The following ZBTB20 variants were observed in gnomAD, a reference collection of about 807,000 sequenced individuals.
The protein encoded by ZBTB20 is zinc finger and BTB domain containing 20.
In ZBTB20, 9 loss-of-function variants were observed where a neutral mutation model predicts 56.9. The ratio of observed to expected loss-of-function variants is 0.16; its 90% confidence interval spans 0.10 to 0.28. ZBTB20 has a LOEUF of 0.28. Ranked by LOEUF, ZBTB20 falls within the 10% of genes least tolerant of loss-of-function variation. ZBTB20 has a pLI of 1.00. For missense variants in ZBTB20, 655 were observed against 1,003.0 expected, an observed-to-expected ratio of 0.65 and a Z score of 4.69; for synonymous variants, 417 against 420.7, an observed-to-expected ratio of 0.99 and a Z score of 0.11.
intron 10 of ZBTB20, among the ~76,000 whole-genome samples, chr3:114,374,995 A>C (rs1324109626): frequency 6.6e-6 from 1 of 152,220 alleles, no homozygotes; most frequent in African/African-American, 2.4e-5. Context: ...GTTTTCACTC[A>C]TACAGACATA....
chr3:114,669,648 A>C (rs1039156944), intron 6 of ZBTB20, among the ~76,000 whole-genome samples: 42 of 151,936 alleles, frequency 2.8e-4, no homozygotes, highest in African/African-American at 9.9e-4. Context: ...AACTAGCCCA[A>C]ATGAGTTATG....
rs114892760 is a variant in ZBTB20 at position 114,365,509 on chromosome 3, G to A, written c.200-13631C>T. Among the ~76,000 whole-genome samples the A allele has an allele frequency of 3.4e-3, 522 of 152,298 alleles. 3 individuals are homozygous for A. The highest frequency in any genetic ancestry group is 0.014 in the Middle Eastern group (4 of 294). On this transcript the variant is annotated intron_variant, in intron 10 of 11. Transcript: ENST00000675478. ...GAGGAGCTTGGGAACACAGTGTGTA[G>A]GGGGTGGATTTCTCAAGAACTATCT...
intron 7 of ZBTB20, among the ~76,000 whole-genome samples, chr3:114,456,112 C>A (rs72950685): frequency 6.6e-6 from 1 of 151,996 alleles, no homozygotes; most frequent in South Asian, 2.1e-4. Context: ...CACAAACCTC[C>A]AATTTCTCAA....
intron 10 of ZBTB20, among the ~76,000 whole-genome samples, chr3:114,377,928 CT>C (rs1436183038): frequency 1.3e-5 from 2 of 152,114 alleles, no homozygotes; most frequent in Non-Finnish European, 2.9e-5. Flanking sequence ...CTTGTGAAAG[CT>C]TGGAACAACA....
chr3:114,905,915 C>A (rs2075300380), intron 3 of ZBTB20, among the ~76,000 whole-genome samples: 1 of 151,770 alleles, frequency 6.6e-6, no homozygotes, highest in Non-Finnish European at 1.5e-5. Context: ...AGTTCCTAAC[C>A]AATTATGTGG....
chr3:114,404,355 T>C (rs2087099030), intron 7 of ZBTB20, among the ~76,000 whole-genome samples: 1 of 152,142 alleles, frequency 6.6e-6, no homozygotes, highest in African/African-American at 2.4e-5. Flanking sequence ...TTTTTCTCTT[T>C]CAACTTGTTT....
intron 5 of ZBTB20, among the ~76,000 whole-genome samples, chr3:114,798,580 G>A (rs1560263473): frequency 2.0e-5 from 3 of 151,806 alleles, no homozygotes; most frequent in Non-Finnish European, 4.4e-5. Flanking sequence ...GGTCTCTAAG[G>A]ATGATCTGCG....
intron 5 of ZBTB20, among the ~76,000 whole-genome samples, chr3:114,705,209 C>A (rs2063644659): frequency 6.6e-6 from 1 of 152,042 alleles, no homozygotes; most frequent in Non-Finnish European, 1.5e-5. Flanking sequence ...ACCACCACAG[C>A]CTGATAGTCT....
At chr3:114,388,418 T>A (rs73857112) in intron 8 of ZBTB20, 3 of 152,162 alleles carry the variant, frequency 2.0e-5, no homozygotes, top group Admixed American at 1.3e-4. Context: ...CCTACATAAA[T>A]GCCTTGCATG....
At chr3:114,645,510 C>T (rs1481482087) in intron 6 of ZBTB20, among the ~76,000 whole-genome samples, 1 of 152,074 alleles carries the variant, frequency 6.6e-6, no homozygotes, top group Admixed American at 6.6e-5. Context: ...TCCAGAGATG[C>T]TTCAACTGTA....
intron 6 of ZBTB20, chr3:114,687,207 G>GC (rs2062393890): frequency 7.9e-6 from 1 of 126,564 alleles, no homozygotes; most frequent in South Asian, 2.6e-4. Context: ...CAGCTGAAAT[G>GC]TTTTTTTTTT....
chr3:114,460,455 A>C (rs2092280139), intron 7 of ZBTB20, among the ~76,000 whole-genome samples: 1 of 152,186 alleles, frequency 6.6e-6, no homozygotes, highest in South Asian at 2.1e-4. Flanking sequence ...GGTTCTTATA[A>C]GAGAGAGGCA....
rs1445648881 is a variant in ZBTB20 at position 114,336,691 on chromosome 3, G to A, written c.*2314C>T. On this transcript the variant is annotated 3_prime_UTR_variant, in exon 12 of 12. Coordinates refer to ENST00000675478, the MANE Select transcript of ZBTB20 (RefSeq NM_001348800.3). ...AAACCAATTTAGTCATTACAGAGTTGTTTGTGTTGGAAGATTTTCCCTCGT... is the reference window on the plus strand; with the variant it reads ...AAACCAATTTAGTCATTACAGAGTTATTTGTGTTGGAAGATTTTCCCTCGT... 2.6e-5 allele frequency: 4 copies of A among 152,196 alleles called. No homozygotes were observed. The highest frequency in any genetic ancestry group is 9.7e-5 in the African/African-American group (4 of 41,438). The allele number at this position is 152,196 out of a possible 1,614,324, so 9.4% of individuals were successfully genotyped here.
intron 3 of ZBTB20, among the ~76,000 whole-genome samples, chr3:114,924,924 A>T (rs1216363531): frequency 2.0e-5 from 3 of 149,854 alleles, no homozygotes; most frequent in African/African-American, 7.4e-5. Context: ...TAATCCTACT[A>T]ATTTATTTAT....
At chr3:114,399,526 A>C (rs181245295) in intron 7 of ZBTB20, among the ~76,000 whole-genome samples, 95 of 152,258 alleles carry the variant, frequency 6.2e-4, no homozygotes, top group Admixed American at 1.9e-3. Context: ...TATTTTTTAA[A>C]TTGGAATTTT....
chr3:114,897,560 G>T (rs764783210), intron 4 of ZBTB20, among the ~76,000 whole-genome samples: 5 of 152,010 alleles, frequency 3.3e-5, no homozygotes, highest in African/African-American at 2.4e-5. Context: ...CCTGACACAG[G>T]ACCCTCAAAA....
In ZBTB20 at chr3:114,881,742, A is replaced by G. The variant is rs150499627; in HGVS notation, c.-417+18562T>C. ...AGTGATGATCGCTGCCTTCCTAAAA[A>G]GTTCATAAAGCTTCAGAAAAATCTA... On this transcript the variant is annotated intron_variant, in intron 4 of 11. Coordinates refer to ENST00000675478, the MANE Select transcript of ZBTB20 (RefSeq NM_001348800.3). Among the ~76,000 whole-genome samples the G allele has an allele frequency of 7.8e-3, 1,188 of 152,012 alleles. 17 individuals carry two copies. The highest frequency in any genetic ancestry group is 0.027 in the African/African-American group (1,103 of 41,556).
chr3:114,427,360 G>A (rs2089763402), intron 7 of ZBTB20, among the ~76,000 whole-genome samples: 1 of 152,128 alleles, frequency 6.6e-6, no homozygotes. Context: ...GAGAACATCA[G>A]CAGGAATACA....
chr3:115,085,744 T>A (rs2082961696), intron 1 of ZBTB20, among the ~76,000 whole-genome samples: 1 of 151,948 alleles, frequency 6.6e-6, no homozygotes, highest in South Asian at 2.1e-4. Context: ...CTTTTGTTTC[T>A]TTGGTAATCA....
Sources: allele counts gnomAD v4.1 joint callset (sites outside exome capture counted in the v4.1 genomes callset), GRCh38; gene constraint gnomAD v4.1.1; transcripts MANE v1.5; gene names NCBI Gene and HGNC (gene_info 2026-07-23, HGNC 2026-07-21).